The following RBM14 variants were observed in gnomAD, a reference collection of about 807,000 sequenced individuals.
RBM14 encodes RNA-binding protein 14.
RBM14 carries 5 observed loss-of-function variants against 52.8 expected under a neutral mutation model. The ratio of observed to expected loss-of-function variants is 0.09; its 90% CI spans 0.05 to 0.20. RBM14 has a LOEUF of 0.20. Among genes scored for constraint, RBM14 ranks in the 10% least tolerant of loss-of-function variants. RBM14 has a pLI of 1.00. For missense variants in RBM14, 780 were observed against 926.6 expected (o/e 0.84, Z 2.05); for synonymous variants, 411 against 401.8 (o/e 1.02, Z -0.28).
Position 66,625,485 on chromosome 11 carries a change from G to A in RBM14, c.1609G>A (p.Ala537Thr), listed in dbSNP as rs771571451. ...SYAAQQHPQA[A>T]ASYRGQPGNA... ...TGCTGCCCAGCAGCATCCCCAGGCTGCTGCCTCCTACCGCGGCCAGCCAGG... is the reference window on the plus strand; with the variant it reads ...TGCTGCCCAGCAGCATCCCCAGGCTACTGCCTCCTACCGCGGCCAGCCAGG... The change falls in exon 2 of 3, where the codon GCT becomes ACT. Residue 537 changes from alanine (A) to threonine (T), a missense_variant. By Grantham distance (58) the Ala-to-Thr change is moderately conservative. Around this residue, in one of 4 missense-constraint regions of RBM14, gnomAD observed 675 missense variants for 697.3 expected, o/e 0.97. Coordinates refer to ENST00000310137, the MANE Select transcript of RBM14 (RefSeq NM_006328.4). This position sits in a 1 kb window ranked among gnomAD's most constrained non-coding sequence, Gnocchi z 4.2. 1.2e-6 allele frequency: 2 copies of A among 1,613,088 alleles called. No individual in the cohort carries two copies. The highest frequency in any genetic ancestry group is 1.7e-6 in the Non-Finnish European group (2 of 1,179,670).
At chr11:66,623,439 G>A (rs1217192080) in intron 1 of RBM14, among the ~76,000 whole-genome samples, 2 of 152,200 alleles carry the variant, frequency 1.3e-5, no homozygotes, top group Non-Finnish European at 2.9e-5. Flanking sequence ...GATAGATTAT[G>A]TAGCAAAGGG....
At position 66,628,655 on chromosome 11, in the gene RBM14, A is replaced by G. The variant is rs1338448958; in HGVS notation, c.*1987A>G. Among the ~76,000 whole-genome samples the G allele has an allele frequency of 6.6e-6, 1 of 151,942 alleles. No individual in the cohort carries two copies. Among genetic ancestry groups the G allele is most frequent in the Non-Finnish European group, 1.5e-5 (1 of 67,992 alleles). ...GGGAAAGCATGGGAGGAGGATTTTGATAAGTTTCTTGTTCTCTGCGTGGTG... is the reference window on the plus strand; with the variant it reads ...GGGAAAGCATGGGAGGAGGATTTTGGTAAGTTTCTTGTTCTCTGCGTGGTG... On this transcript the variant is annotated 3_prime_UTR_variant, in exon 3 of 3. Transcript: ENST00000310137.
intron 1 of RBM14, among the ~76,000 whole-genome samples, chr11:66,622,510 C>A (rs1859161592): frequency 1.3e-5 from 2 of 152,186 alleles, no homozygotes; most frequent in African/African-American, 2.4e-5. Context: ...CTGGCATGAG[C>A]CCCTGTACCT....
intron 1 of RBM14, 186 bp downstream of exon 1, chr11:66,617,243 C>T: frequency 1.4e-6 from 2 of 1,405,422 alleles, no homozygotes; most frequent in Non-Finnish European, 1.8e-6. Context: ...AGGAACCGTC[C>T]ACCAAGTAGG....
chr11:66,625,641 G>A lies in RBM14; in HGVS notation c.1765G>A (p.Asp589Asn), dbSNP rs775155450. 4.3e-6 allele frequency: 7 copies of A among 1,612,510 alleles called. No individual in the cohort carries two copies. The highest frequency in any genetic ancestry group is 2.2e-5 in the East Asian group (1 of 44,888). The change falls in exon 2 of 3, where the codon GAC (aspartate) becomes AAC (asparagine). Residue 589 changes from aspartate to asparagine, a missense_variant. By Grantham distance (23) the Asp-to-Asn change is conservative. Around this residue, in one of 4 missense-constraint regions of RBM14, gnomAD observed 675 missense variants for 697.3 expected, o/e 0.97. Transcript: ENST00000310137. The surrounding 1 kb of genome is among the most constrained non-coding windows in gnomAD (Gnocchi z 4.2). ...CCTCTCCCCACCCCGGGCCAGCTAC[G>A]ACGATCCCTACAAAAAGGCTGTCGC... ...TRLSPPRASY[D>N]DPYKKAVAMS...
Position 66,625,270 on chromosome 11 carries a change from C to G in RBM14, c.1394C>G (p.Pro465Arg). Residue 465 changes from proline (P) to arginine (R), a missense_variant, in exon 2 of 3, where the codon CCG becomes CGG. Pro to Arg is a moderately radical substitution (Grantham distance 103). This residue lies in a region of RBM14 where 675 missense variants were observed against 697.3 expected (regional missense o/e 0.97). Coordinates refer to ENST00000310137, the MANE Select transcript of RBM14 (RefSeq NM_006328.4). The surrounding 1 kb of genome is among the most constrained non-coding windows in gnomAD (Gnocchi z 4.2). ...TPMAGSYGAQ[P>R]VVQTQLNSYG... Reference sequence around the variant, plus strand: ...ATGGCTGGCTCCTATGGGGCCCAGCCGGTTGTGCAGACCCAGCTGAATAGT... The same window carrying G: ...ATGGCTGGCTCCTATGGGGCCCAGCGGGTTGTGCAGACCCAGCTGAATAGT... The G allele has an allele frequency of 1.9e-6, 3 of 1,612,776 alleles. No individual in the cohort carries two copies. Among genetic ancestry groups the G allele is most frequent in the Non-Finnish European group, 2.5e-6 (3 of 1,179,822 alleles).
rs762771390 is a variant in RBM14, at chr11:66,625,643, C to T, written c.1767C>T (p.Asp589=). The T allele has an allele frequency of 3.7e-6, 6 of 1,612,574 alleles. No individual in the cohort carries two copies. The highest frequency in any genetic ancestry group is 1.3e-5 in the African/African-American group (1 of 75,058). Residue 589 remains aspartate, a synonymous_variant, in exon 2 of 3, where the codon GAC becomes GAT. Transcript: ENST00000310137. The surrounding 1 kb of genome is among the most constrained non-coding windows in gnomAD (Gnocchi z 4.2). ...TRLSPPRASY[D]DPYKKAVAMS... ...TCTCCCCACCCCGGGCCAGCTACGACGATCCCTACAAAAAGGCTGTCGCCA... is the reference window on the plus strand; with the variant it reads ...TCTCCCCACCCCGGGCCAGCTACGATGATCCCTACAAAAAGGCTGTCGCCA...
At position 66,629,001 on chromosome 11, in the gene RBM14, C is replaced by T. The variant is rs527372971; in HGVS notation, c.*2333C>T. 3.9e-5 allele frequency among the ~76,000 whole-genome samples: 6 copies of T among 152,308 alleles called. No homozygotes were observed. In the East Asian group the frequency reaches 9.6e-4, roughly 24 times the overall value. ...GGTCCTGCTGCCCCTGCTGCCTCAGCCCTCAGGCTCCTAACTGCTCAAGCC... is the reference window on the plus strand; with the variant it reads ...GGTCCTGCTGCCCCTGCTGCCTCAGTCCTCAGGCTCCTAACTGCTCAAGCC... On this transcript the variant is annotated 3_prime_UTR_variant, in exon 3 of 3. Coordinates refer to ENST00000310137, the MANE Select transcript of RBM14 (RefSeq NM_006328.4).
chr11:66,627,237 A>C lies in RBM14; in HGVS notation c.*569A>C, dbSNP rs1937859163. The stretch of plus-strand genomic sequence containing the variant: ...TGTTCTAGCTGATGGTGAGCGGCAC[A>C]GTCCCACTTCCCCATCTCCCCAAGT... On this transcript the variant is annotated 3_prime_UTR_variant, in exon 3 of 3. Coordinates refer to ENST00000310137, the MANE Select transcript of RBM14 (RefSeq NM_006328.4). 1 of 152,336 alleles carries C rather than the reference A, an allele frequency of 6.6e-6. No homozygotes were observed. Among genetic ancestry groups the C allele is most frequent in the African/African-American group, 2.4e-5 (1 of 41,452 alleles). The allele number at this position is 152,336 out of a possible 1,614,324, so 9.4% of individuals were successfully genotyped here.
chr11:66,624,974 C>A lies in RBM14; in HGVS notation c.1098C>A (p.Asn366Lys). 1 of 1,614,004 alleles carries A rather than the reference C, an allele frequency of 6.2e-7. No individual in the cohort carries two copies. Among genetic ancestry groups the A allele is most frequent in the Non-Finnish European group, 8.5e-7 (1 of 1,179,982 alleles). Residue 366 changes from asparagine to lysine, a missense_variant, in exon 2 of 3, where the codon AAC becomes AAA. By Grantham distance (94) the Asn-to-Lys change is moderately conservative. Coordinates refer to ENST00000310137, the MANE Select transcript of RBM14 (RefSeq NM_006328.4). The surrounding 1 kb of genome is among the most constrained non-coding windows in gnomAD (Gnocchi z 4.7). ...YGVRAAASSY[N>K]TQGAASSLGS... ...TTCGTGCAGCTGCTTCTTCCTACAACACCCAGGGAGCAGCTTCCTCCTTAG... is the reference window on the plus strand; with the variant it reads ...TTCGTGCAGCTGCTTCTTCCTACAAAACCCAGGGAGCAGCTTCCTCCTTAG...
At position 66,628,976 on chromosome 11, in the gene RBM14, G is replaced by T. The variant is rs545092293; in HGVS notation, c.*2308G>T. ...GAGCTCTGCCTGCTTGTCATCTTTA[G>T]GTCCTGCTGCCCCTGCTGCCTCAGC... On this transcript the variant is annotated 3_prime_UTR_variant, in exon 3 of 3. Transcript: ENST00000310137. Among the ~76,000 whole-genome samples, 1 of 152,270 alleles carries T rather than the reference G, an allele frequency of 6.6e-6. No homozygotes were observed. The highest frequency in any genetic ancestry group is 1.9e-4 in the East Asian group (1 of 5,182).
chr11:66,616,939 A>C lies in RBM14; in HGVS notation c.219A>C (p.Pro73=). The C allele has an allele frequency of 6.2e-7, 1 of 1,612,188 alleles. No homozygotes were observed. Among genetic ancestry groups the C allele is most frequent in the Non-Finnish European group, 8.5e-7 (1 of 1,179,540 alleles). Residue 73 remains proline (P), a synonymous_variant, in exon 1 of 3, where the codon CCA becomes CCC. Coordinates refer to ENST00000310137, the MANE Select transcript of RBM14 (RefSeq NM_006328.4). ...GRALVVEMSR[P]RPLNTWKIFV... is the part of the protein sequence containing the mutation. ...CGCTCGTGGTGGAGATGTCGCGCCC[A>C]AGGCCTCTTAATACTTGGAAGATTT...
intron 1 of RBM14, 122 bp downstream of exon 1, chr11:66,617,179 G>A: frequency 6.9e-7 from 1 of 1,455,558 alleles, no homozygotes; most frequent in Non-Finnish European, 9.0e-7. Context: ...CGCGGGAGCA[G>A]GTCGGAGGTG....
chr11:66,617,675 A>G (rs187723438), intron 1 of RBM14: 5 of 587,232 alleles, frequency 8.5e-6, no homozygotes, highest in African/African-American at 6.1e-5. Context: ...TGGCCTTTCA[A>G]TATTAGGTAG....
Position 66,627,490 on chromosome 11 carries a change from G to C in RBM14, c.*822G>C, listed in dbSNP as rs1367994417. The C allele has an allele frequency of 2.0e-5, 3 of 152,234 alleles. No homozygotes were observed. The highest frequency in any genetic ancestry group is 7.2e-5 in the African/African-American group (3 of 41,464). The allele number at this position is 152,234 out of a possible 1,614,324, so 9.4% of individuals were successfully genotyped here. On this transcript the variant is annotated 3_prime_UTR_variant, in exon 3 of 3. Transcript: ENST00000310137. ...ATGTCGGAATTAGAAGGATTGCCCT[G>C]TGGCCCAGAAGGATTTAGCTCATCG... is the stretch of plus-strand genomic sequence containing the variant.
chr11:66,617,437 C>CT, intron 1 of RBM14: 1 of 1,050,476 alleles, frequency 9.5e-7, no homozygotes, highest in Non-Finnish European at 1.1e-6. Flanking sequence ...GATTTCTCCA[C>CT]TTCCCCACTT....
rs962316676 is a variant in RBM14 at position 66,627,534 on chromosome 11, A to C, written c.*866A>C. On this transcript the variant is annotated 3_prime_UTR_variant, in exon 3 of 3. Transcript: ENST00000310137. Reference sequence around the variant, plus strand: ...CTCATCGTCGTCCTGCTAGCCTGCCATCTTTCAGACTTTCCAGGGCAGGTG... The same window carrying C: ...CTCATCGTCGTCCTGCTAGCCTGCCCTCTTTCAGACTTTCCAGGGCAGGTG... Among the ~76,000 whole-genome samples, 1 of 152,212 alleles carries C rather than the reference A, an allele frequency of 6.6e-6. No individual in the cohort carries two copies. Among genetic ancestry groups the C allele is most frequent in the African/African-American group, 2.4e-5 (1 of 41,450 alleles).
At position 66,625,117 on chromosome 11, in the gene RBM14, C is replaced by T. The variant is rs746807508; in HGVS notation, c.1241C>T (p.Ser414Phe). 6 of 1,613,248 alleles carry T rather than the reference C, an allele frequency of 3.7e-6. No individual in the cohort carries two copies. The highest frequency in any genetic ancestry group is 5.1e-6 in the Non-Finnish European group (6 of 1,180,000). ...AQPSASYNAQ[S>F]APYAAQQAAS... ...CCCTCGGCCTCTTACAATGCCCAGTCTGCCCCATATGCTGCACAGCAGGCT... is the reference window on the plus strand; with the variant it reads ...CCCTCGGCCTCTTACAATGCCCAGTTTGCCCCATATGCTGCACAGCAGGCT... Residue 414 changes from serine to phenylalanine, a missense_variant, in exon 2 of 3, where the codon TCT (serine) becomes TTT (phenylalanine). By Grantham distance (155) the Ser-to-Phe change is radical (BLOSUM62 -2). Coordinates refer to ENST00000310137, the MANE Select transcript of RBM14 (RefSeq NM_006328.4). This position sits in a 1 kb window ranked among gnomAD's most constrained non-coding sequence, Gnocchi z 4.2.
In RBM14 at chr11:66,625,720, G is replaced by A; in HGVS notation, c.1802+42G>A. 1 of 1,466,934 alleles carries A rather than the reference G, an allele frequency of 6.8e-7. No homozygotes were observed. Among genetic ancestry groups the A allele is most frequent in the Non-Finnish European group, 9.3e-7 (1 of 1,079,310 alleles). 90.9% of individuals were successfully genotyped at this position (1,466,934 alleles called of 1,614,324 possible). ...CGCCTCTGCCCCCAGCTGGGGCTTA[G>A]GGCAAGGGGCTGAGGTTGGCATGGG... is the stretch of plus-strand genomic sequence containing the variant. On this transcript the variant is annotated intron_variant, in intron 2 of 2. Transcript: ENST00000310137. This position sits in a 1 kb window ranked among gnomAD's most constrained non-coding sequence, Gnocchi z 4.2.
Sources: gnomAD v4.1 joint callset for allele counts (sites outside exome capture counted in the v4.1 genomes callset) on GRCh38, gnomAD v4.1.1 for gene constraint, gnomAD v4.1.1 regional missense constraint, Gnocchi (gnomAD v3.1) non-coding constraint, MANE v1.5 for transcripts, NCBI Gene and HGNC (gene_info 2026-07-23, HGNC 2026-07-21) for gene names.